Variants in DYNC2H1 observed in about 807,000 individuals in gnomAD.
The protein encoded by DYNC2H1 is cytoplasmic dynein 2 heavy chain 1.
In DYNC2H1, 410 loss-of-function variants were observed where a neutral mutation model predicts 570.0. The observed-to-expected ratio is 0.72, with a 90% CI of 0.66 to 0.78. DYNC2H1 has a LOEUF of 0.78. Among genes scored for constraint, DYNC2H1 ranks in the 30% least tolerant of loss-of-function variants. DYNC2H1 has a pLI of 0.00. For missense variants in DYNC2H1, 4,865 were observed against 5,046.4 expected (o/e 0.96, Z 1.09); for synonymous variants, 1,688 against 1,677.6 (o/e 1.01, Z -0.15).
intron 84 of DYNC2H1, among the ~76,000 whole-genome samples, chr11:103,424,735 G>A (rs1181744629): frequency 6.8e-6 from 1 of 147,966 alleles, no homozygotes. Flanking sequence ...AGGCAACTTT[G>A]ATCTATATAG....
chr11:103,152,053 A>G, intron 20 of DYNC2H1, 83 bp from the exon 21 acceptor site: 1 of 1,335,154 alleles, frequency 7.5e-7, no homozygotes, highest in Non-Finnish European at 1.0e-6. Context: ...AAGTTATGAA[A>G]CAAAAATTAA....
At chr11:103,253,477 G>A (rs752285760) in intron 66 of DYNC2H1, 29 bp downstream of exon 66, 1 of 1,569,838 alleles carries the variant, frequency 6.4e-7, no homozygotes, top group Non-Finnish European at 8.7e-7. Context: ...AATTTACCTT[G>A]GAATCTTTTC....
chr11:103,152,874 C>T (rs1860634072), intron 21 of DYNC2H1, among the ~76,000 whole-genome samples: 2 of 152,142 alleles, frequency 1.3e-5, no homozygotes, highest in Non-Finnish European at 2.9e-5. Flanking sequence ...ATCTACTGCA[C>T]TCATATTTTA....
intron 9 of DYNC2H1, 138 bp from the exon 10 acceptor site, chr11:103,121,234 A>G (rs1591270293): frequency 1.9e-6 from 2 of 1,062,402 alleles, no homozygotes; most frequent in African/African-American, 1.6e-5. Context: ...CATTTGATAC[A>G]TGGTACAGTC....
chr11:103,159,004 C>G lies in DYNC2H1; in HGVS notation c.4355C>G (p.Ser1452Cys), dbSNP rs1466932977. ...TCTACCAACCCATCAGTGATTCAGT[C>G]TCACCTGAAGAAGCTTTTTGCTGGT... ...GQSTNPSVIQ[S>C]HLKKLFAGIN... Residue 1452 changes from serine to cysteine, a missense_variant, in exon 28 of 89, where the codon TCT becomes TGT. Around this residue, in one of 5 missense-constraint regions of DYNC2H1, gnomAD observed 1,936 missense variants for 1,962.1 expected, o/e 0.99. Transcript: ENST00000375735. 1 of 1,612,788 alleles carries G rather than the reference C, an allele frequency of 6.2e-7. No homozygotes were observed. Among genetic ancestry groups the G allele is most frequent in the Non-Finnish European group, 8.5e-7 (1 of 1,179,382 alleles).
intron 52 of DYNC2H1, among the ~76,000 whole-genome samples, chr11:103,207,879 G>A (rs936623887): frequency 3.9e-5 from 6 of 152,102 alleles, no homozygotes; most frequent in Admixed American, 3.9e-4. Flanking sequence ...ATATTTATAA[G>A]AATATAATTA....
chr11:103,319,749 A>G lies in DYNC2H1; in HGVS notation c.11726-1280A>G, dbSNP rs1591572346. The stretch of plus-strand genomic sequence containing the variant: ...TTCTGTTTTATAAGTTGAAAGATAC[A>G]CTAATATGTCTGTATTCCTTAATGA... On this transcript the variant is annotated intron_variant, in intron 80 of 88. Coordinates refer to ENST00000375735, the MANE Select transcript of DYNC2H1 (RefSeq NM_001377.3). This position sits in a 1 kb window ranked among gnomAD's most constrained non-coding sequence, Gnocchi z 4.3. Among the ~76,000 whole-genome samples, 1 of 152,310 alleles carries G rather than the reference A, an allele frequency of 6.6e-6. No homozygotes were observed. The highest frequency in any genetic ancestry group is 6.5e-5 in the Admixed American group (1 of 15,306).
chr11:103,462,190 T>C (rs573256260), intron 87 of DYNC2H1, among the ~76,000 whole-genome samples: 5 of 152,308 alleles, frequency 3.3e-5, no homozygotes, highest in African/African-American at 9.6e-5. Flanking sequence ...ATTTCTCCTA[T>C]AGAATGATGT....
Position 103,256,041 on chromosome 11 carries a change from G to A in DYNC2H1, c.10327-65G>A, listed in dbSNP as rs1865043461. The A allele has an allele frequency of 7.3e-7, 1 of 1,369,422 alleles. No homozygotes were observed. The highest frequency in any genetic ancestry group is 1.5e-5 in the South Asian group (1 of 67,818). The allele number at this position is 1,369,422 out of a possible 1,614,324, so 84.8% of individuals were successfully genotyped here. ...ACATCAAATGAATGACAGTTAATATGGGTTTGCTTTAATTGGTTATTTTTA... is the reference window on the plus strand; with the variant it reads ...ACATCAAATGAATGACAGTTAATATAGGTTTGCTTTAATTGGTTATTTTTA... On this transcript the variant is annotated intron_variant, in intron 67 of 88. Coordinates refer to ENST00000375735, the MANE Select transcript of DYNC2H1 (RefSeq NM_001377.3). The surrounding 1 kb of genome is among the most constrained non-coding windows in gnomAD (Gnocchi z 4.0).
In DYNC2H1 at chr11:103,154,694, G is replaced by A. The variant is rs1860730801; in HGVS notation, c.3459-1G>A. On this transcript the variant is annotated splice_acceptor_variant, in intron 23 of 88. Transcript: ENST00000375735. LOFTEE classifies it high-confidence loss of function. The stretch of plus-strand genomic sequence containing the variant: ...TGCAATGTGTTTTTGGTATTTTATA[G>A]GACTAAGACATACCTGTTTGAGGAA... 1 of 1,566,060 alleles carries A rather than the reference G, an allele frequency of 6.4e-7. No individual in the cohort carries two copies. The highest frequency in any genetic ancestry group is 8.6e-7 in the Non-Finnish European group (1 of 1,156,128).
intron 83 of DYNC2H1, among the ~76,000 whole-genome samples, chr11:103,391,742 TA>T (rs1942160535): frequency 6.6e-6 from 1 of 152,244 alleles, no homozygotes; most frequent in African/African-American, 2.4e-5. Flanking sequence ...GCAGGTCTGT[TA>T]GAGTTTGCTG....
intron 83 of DYNC2H1, 128 bp from the exon 84 acceptor site, chr11:103,399,535 A>G: frequency 1.5e-6 from 1 of 672,254 alleles, no homozygotes; most frequent in Non-Finnish European, 2.4e-6. Context: ...GACCGTTTAT[A>G]AAATAAAAGC....
chr11:103,155,444 G>C lies in DYNC2H1; in HGVS notation c.3687G>C (p.Leu1229=). The C allele has an allele frequency of 6.2e-7, 1 of 1,612,200 alleles. No homozygotes were observed. Among genetic ancestry groups the C allele is most frequent in the Non-Finnish European group, 8.5e-7 (1 of 1,179,016 alleles). The part of the protein sequence containing the change: ...LPRGTSLEKL[L]FGDLLRVADT... ...GGGGGACTAGTCTAGAGAAACTACT[G>C]TTTGGTGATTTGCTCAGAGTAGCTG... The change falls in exon 25 of 89, where the codon CTG becomes CTC. Residue 1229 remains leucine (L), a synonymous_variant. Coordinates refer to ENST00000375735, the MANE Select transcript of DYNC2H1 (RefSeq NM_001377.3).
chr11:103,235,888 A>G, intron 62 of DYNC2H1, 75 bp downstream of exon 62: 1 of 1,557,262 alleles, frequency 6.4e-7, no homozygotes, highest in East Asian at 2.3e-5. Context: ...AATATACTAA[A>G]AATAGACCCT....
In DYNC2H1 at chr11:103,424,068, A is replaced by G. The variant is rs549339799; in HGVS notation, c.12367-11875A>G. On this transcript the variant is annotated intron_variant, in intron 84 of 88. Transcript: ENST00000375735. ...CATTGAAAGAAATTAAAGACTACTT[A>G]AGTAAATGGAAAACCATCCTTTGTT... is the stretch of plus-strand genomic sequence containing the variant. Among the ~76,000 whole-genome samples the G allele has an allele frequency of 3.5e-4, 54 of 152,252 alleles. 1 individual carries two copies. The highest frequency in any genetic ancestry group is 7.5e-4 in the Non-Finnish European group (51 of 67,988).
intron 17 of DYNC2H1, among the ~76,000 whole-genome samples, chr11:103,138,292 C>T (rs964953571): frequency 2.0e-4 from 30 of 151,768 alleles, no homozygotes; most frequent in African/African-American, 6.3e-4. Flanking sequence ...GAGAGGGCAT[C>T]CCTGTCTTGT....
At chr11:103,155,608 G>A (rs1860781207) in intron 25 of DYNC2H1, 107 bp downstream of exon 25, 3 of 1,098,150 alleles carry the variant, frequency 2.7e-6, no homozygotes, top group Non-Finnish European at 3.7e-6. Flanking sequence ...AAGGGAATCA[G>A]CTTTCATCAA....
intron 16 of DYNC2H1, 37 bp from the exon 17 acceptor site, chr11:103,135,683 A>C: frequency 6.2e-7 from 1 of 1,606,040 alleles, no homozygotes; most frequent in East Asian, 2.2e-5. Context: ...ATAATTTTCT[A>C]ACAATTTATG....
rs76985218 is a variant in DYNC2H1, at chr11:103,280,549, A to G, written c.10761+136A>G. ...TAATCTTTTACTAAGTTAGAAATGT[A>G]GTATAAAATGGTGATTCCTAGTTCT... is the stretch of plus-strand genomic sequence containing the variant. On this transcript the variant is annotated intron_variant, in intron 71 of 88. Coordinates refer to ENST00000375735, the MANE Select transcript of DYNC2H1 (RefSeq NM_001377.3). The surrounding 1 kb of genome is among the most constrained non-coding windows in gnomAD (Gnocchi z 4.7). 3,281 of 798,892 alleles carry G rather than the reference A, an allele frequency of 4.1e-3. 82 individuals are homozygous for G. The African/African-American group carries it at 0.05, about 12-fold the overall frequency. The allele number at this position is 798,892 out of a possible 1,614,324, so 49.5% of individuals were successfully genotyped here. A position where few individuals can be genotyped will look rare whatever the true frequency, so the allele number is the denominator to read the frequency against.
Sources: gnomAD v4.1 joint callset for allele counts (sites outside exome capture counted in the v4.1 genomes callset) on GRCh38, gnomAD v4.1.1 for gene constraint, gnomAD v4.1.1 regional missense constraint, Gnocchi (gnomAD v3.1) non-coding constraint, MANE v1.5 for transcripts, NCBI Gene and HGNC (gene_info 2026-07-23, HGNC 2026-07-21) for gene names.